Variants in EDIL3 observed in about 807,000 individuals in gnomAD.
EDIL3 encodes the protein EGF-like repeat and discoidin I-like domain-containing protein 3.
EDIL3 carries 37 observed loss-of-function variants against 67.4 expected under a neutral mutation model. That is an observed-to-expected ratio of 0.55 (90% CI 0.42 to 0.72). The LOEUF is 0.72. EDIL3 is among the 30% of genes least tolerant of loss of function. EDIL3 has a pLI of 0.00. For missense variants in EDIL3, 527 were observed against 586.3 expected (o/e 0.90, Z 1.04); for synonymous variants, 195 against 196.3 (o/e 0.99, Z 0.05).
chr5:83,950,886 T>A (rs1261920589), intron 10 of EDIL3, among the ~76,000 whole-genome samples: 1 of 151,806 alleles, frequency 6.6e-6, no homozygotes, highest in East Asian at 1.9e-4. Context: ...GAAACTGCAG[T>A]CAGATTTTCT....
chr5:84,136,300 ATGT>A (rs758668749), intron 5 of EDIL3, among the ~76,000 whole-genome samples: 16 of 152,108 alleles, frequency 1.1e-4, no homozygotes, highest in South Asian at 2.1e-4. Context: ...AATTTGCATA[ATGT>A]TGTTGTGGTG....
At chr5:84,140,656 C>T (rs571984539) in intron 4 of EDIL3, among the ~76,000 whole-genome samples, 149 of 152,164 alleles carry the variant, frequency 9.8e-4, no homozygotes, top group African/African-American at 3.2e-3. Flanking sequence ...TTTGTAGACA[C>T]ACTCAATTTG....
intron 1 of EDIL3, among the ~76,000 whole-genome samples, chr5:84,334,136 G>A (rs1580084304): frequency 6.7e-6 from 1 of 150,348 alleles, no homozygotes; most frequent in South Asian, 2.1e-4. Context: ...GTGCTATCTC[G>A]GCTCACTGCA....
chr5:83,994,775 T>C (rs1561396995), intron 9 of EDIL3, among the ~76,000 whole-genome samples: 1 of 152,204 alleles, frequency 6.6e-6, no homozygotes, highest in Non-Finnish European at 1.5e-5. Flanking sequence ...AGTTTGTTTT[T>C]TAAGGAAACT....
At chr5:84,252,473 G>T (rs977376092) in intron 2 of EDIL3, among the ~76,000 whole-genome samples, 1 of 51,978 alleles carries the variant, frequency 1.9e-5, no homozygotes, top group Admixed American at 3.4e-4. Flanking sequence ...CAGCCTGTGC[G>T]ACAAAGTGAG....
At chr5:84,052,616 G>C (rs867728497) in intron 9 of EDIL3, among the ~76,000 whole-genome samples, 3 of 152,012 alleles carry the variant, frequency 2.0e-5, no homozygotes, top group Non-Finnish European at 4.4e-5. Context: ...GGAGGAAGAT[G>C]TACCAAGCAA....
In EDIL3 at chr5:83,963,363, T is replaced by TA. The variant is rs753299184; in HGVS notation, c.1138-4dup. 611 of 1,584,804 alleles carry TA rather than the reference T, an allele frequency of 3.9e-4. 1 individual carries two copies. Among genetic ancestry groups the TA allele is most frequent in the Admixed American group, 2.3e-4 (12 of 52,984 alleles). ...TTGGTTGGAACAAGAAGATCCACCT[T>TA]AAAAAAAAGAAAAATACAGGCTTTA... On this transcript the variant is annotated splice_polypyrimidine_tract_variant and splice_region_variant and intron_variant, in intron 9 of 10. Coordinates refer to ENST00000296591, the MANE Select transcript of EDIL3 (RefSeq NM_005711.5).
intron 9 of EDIL3, among the ~76,000 whole-genome samples, chr5:84,049,745 G>C (rs928199122): frequency 6.7e-6 from 1 of 149,968 alleles, no homozygotes; most frequent in Non-Finnish European, 1.5e-5. Context: ...GAATTTTAAA[G>C]TTTTACAAAC....
At chr5:84,207,635 G>C (rs1260088432) in intron 3 of EDIL3, among the ~76,000 whole-genome samples, 1 of 151,420 alleles carries the variant, frequency 6.6e-6, no homozygotes, top group Non-Finnish European at 1.5e-5. Flanking sequence ...CACACTACCT[G>C]ACTTCAAACT....
intron 9 of EDIL3, among the ~76,000 whole-genome samples, chr5:83,987,211 G>A (rs1383544621): frequency 3.3e-5 from 5 of 151,924 alleles, no homozygotes; most frequent in African/African-American, 1.2e-4. Flanking sequence ...GCAGTTTCTG[G>A]TTATAAATTG....
chr5:83,954,843 T>C (rs1175201204), intron 10 of EDIL3, among the ~76,000 whole-genome samples: 1 of 151,826 alleles, frequency 6.6e-6, no homozygotes, highest in Non-Finnish European at 1.5e-5. Context: ...CGTAGTTTTT[T>C]CTATTCAAAA....
intron 9 of EDIL3, among the ~76,000 whole-genome samples, chr5:84,009,484 T>C (rs7713851): frequency 0.043 from 6,602 of 152,230 alleles, 484 homozygotes; most frequent in African/African-American, 0.15. Flanking sequence ...ATGTTTAACA[T>C]ATTAAAGTCA....
At chr5:84,112,239 G>A (rs943526714) in intron 5 of EDIL3, among the ~76,000 whole-genome samples, 3 of 152,020 alleles carry the variant, frequency 2.0e-5, no homozygotes, top group South Asian at 2.1e-4. Context: ...GATTTAAGAC[G>A]GGACAAAACT....
intron 4 of EDIL3, among the ~76,000 whole-genome samples, chr5:84,165,390 AC>A (rs1208527856): frequency 6.6e-6 from 1 of 152,104 alleles, no homozygotes; most frequent in Non-Finnish European, 1.5e-5. Flanking sequence ...ACCATCTTCT[AC>A]CTGTGTTTTA....
chr5:84,370,192 T>G (rs1319986129), intron 1 of EDIL3, among the ~76,000 whole-genome samples: 1 of 152,310 alleles, frequency 6.6e-6, no homozygotes, highest in Admixed American at 6.5e-5. Context: ...TTCAGAACTA[T>G]TGAGGCATTT....
In EDIL3 at chr5:84,262,659, G is replaced by GTTTTTTTTTTTTTTTTTTTTTTTTT. The variant is rs773035274; in HGVS notation, c.68-8472_68-8448dup. 2.2e-3 allele frequency among the ~76,000 whole-genome samples: 104 copies of GTTTTTTTTTTTTTTTTTTTTTTTTT among 46,316 alleles called. 34 individuals carry two copies. The highest frequency in any genetic ancestry group is 4.3e-3 in the East Asian group (5 of 1,152). The allele number at this position is 46,316 out of a possible 152,430, so 30.4% of individuals were successfully genotyped here. A position where few individuals can be genotyped will look rare whatever the true frequency, so the allele number is the denominator to read the frequency against. On this transcript the variant is annotated intron_variant, in intron 1 of 10. Coordinates refer to ENST00000296591, the MANE Select transcript of EDIL3 (RefSeq NM_005711.5). ...AAACTACAATTCCCAAGGTTGGTTGGTTTTTTTTTTTTTTTTTTTTTTTTT... is the reference window on the plus strand; with the variant it reads ...AAACTACAATTCCCAAGGTTGGTTGGTTTTTTTTTTTTTTTTTTTTTTTTTTTTTTTTTTTTTTTTTTTTTTTTTT...
At chr5:84,333,775 A>C (rs755505440) in intron 1 of EDIL3, among the ~76,000 whole-genome samples, 1 of 152,184 alleles carries the variant, frequency 6.6e-6, no homozygotes, top group Non-Finnish European at 1.5e-5. Flanking sequence ...CTTTCTCCTA[A>C]AGCATATAAT....
chr5:84,046,122 A>C (rs1162512819), intron 9 of EDIL3, among the ~76,000 whole-genome samples: 1 of 152,226 alleles, frequency 6.6e-6, no homozygotes, highest in Non-Finnish European at 1.5e-5. Context: ...TTTTATTTTA[A>C]ACCAAAAATG....
At chr5:84,295,408 A>T (rs1746029665) in intron 1 of EDIL3, among the ~76,000 whole-genome samples, 1 of 152,076 alleles carries the variant, frequency 6.6e-6, no homozygotes, top group Non-Finnish European at 1.5e-5. Context: ...TATCAATATT[A>T]CCAAAGCAAC....
Sources: allele counts gnomAD v4.1 joint callset (sites outside exome capture counted in the v4.1 genomes callset), GRCh38; gene constraint gnomAD v4.1.1; transcripts MANE v1.5; gene names NCBI Gene and HGNC (gene_info 2026-07-23, HGNC 2026-07-21).